ELK3: variants seen among roughly 807,000 people sequenced by gnomAD.
ELK3 encodes ETS transcription factor ELK3, also known as ETS domain-containing protein Elk-3.
ELK3 carries 10 observed loss-of-function variants against 28.9 expected under a neutral mutation model. The ratio of observed to expected loss-of-function variants is 0.35; its 90% CI spans 0.21 to 0.59. The LOEUF (loss-of-function observed/expected upper bound fraction) is 0.59, where lower values mean the gene tolerates loss of function less well. ELK3 is among the 20% of genes least tolerant of loss of function. ELK3 has a pLI of 0.82. For missense variants in ELK3, 463 were observed against 517.3 expected (o/e 0.90, Z 1.02); for synonymous variants, 272 against 243.5 (o/e 1.12, Z -1.09).
intron 2 of ELK3, among the ~76,000 whole-genome samples, chr12:96,237,254 G>A (rs1300389518): frequency 6.6e-6 from 1 of 152,202 alleles, no homozygotes; most frequent in Non-Finnish European, 1.5e-5. Context: ...CAGGTTTATG[G>A]GTCAGAGGAG....
At chr12:96,263,266 A>G (rs1952006845) in intron 4 of ELK3, among the ~76,000 whole-genome samples, 1 of 152,162 alleles carries the variant, frequency 6.6e-6, no homozygotes, top group African/African-American at 2.4e-5. Context: ...AAATTGAGAA[A>G]TGTTTAGGTA....
At chr12:96,201,505 C>T (rs561385688) in intron 1 of ELK3, among the ~76,000 whole-genome samples, 54 of 150,354 alleles carry the variant, frequency 3.6e-4, no homozygotes, top group East Asian at 1.4e-3. Flanking sequence ...CCCAGCTACC[C>T]GGGAGGTCAA....
chr12:96,205,855 G>C (rs1216571618), intron 1 of ELK3, among the ~76,000 whole-genome samples: 2 of 152,204 alleles, frequency 1.3e-5, no homozygotes, highest in East Asian at 3.8e-4. Flanking sequence ...CAGCCACTTG[G>C]CGTTTCTGTC....
At chr12:96,215,644 T>G (rs1007805317) in intron 1 of ELK3, among the ~76,000 whole-genome samples, 8 of 151,144 alleles carry the variant, frequency 5.3e-5, no homozygotes, top group Admixed American at 1.3e-4. Flanking sequence ...TTTTTTTTTT[T>G]TTTTTTAAAG....
chr12:96,265,684 AAAAT>A (rs1468191188), intron 4 of ELK3, among the ~76,000 whole-genome samples: 2 of 152,208 alleles, frequency 1.3e-5, no homozygotes, highest in Admixed American at 6.5e-5. Flanking sequence ...ATCTCTAAAT[AAAAT>A]AAATAAATAA....
At position 96,247,419 on chromosome 12, in the gene ELK3, C is replaced by A. The variant is rs142048091; in HGVS notation, c.687C>A (p.Asn229Lys). The change falls in exon 3 of 5, where the codon AAC becomes AAA. Residue 229 changes from asparagine (N) to lysine (K), a missense_variant. Around this residue, in one of 2 missense-constraint regions of ELK3, gnomAD observed 408 missense variants for 414.8 expected, o/e 0.98. Transcript: ENST00000228741. This position sits in a 1 kb window ranked among gnomAD's most constrained non-coding sequence, Gnocchi z 5.5. ...AGATCTCCTCTTTAATGTTGCCAAA[C>A]GCTGCCAGTATTTCATCCGCCTCAC... Reference protein sequence around the residue: ...SAKISSLMLPNAASISSASPF... With the variant: ...SAKISSLMLPKAASISSASPF... 3.1e-6 allele frequency: 5 copies of A among 1,614,036 alleles called. No homozygotes were observed. The highest frequency in any genetic ancestry group is 4.2e-6 in the Non-Finnish European group (5 of 1,180,046).
rs1384363136 is a variant in ELK3, at chr12:96,268,110, G to A, written c.*930G>A. 1 of 152,310 alleles carries A rather than the reference G, an allele frequency of 6.6e-6. No homozygotes were observed. The highest frequency in any genetic ancestry group is 2.4e-5 in the African/African-American group (1 of 41,562). 9.4% of individuals were successfully genotyped at this position (152,310 alleles called of 1,614,324 possible). On this transcript the variant is annotated 3_prime_UTR_variant, in exon 5 of 5. Coordinates refer to ENST00000228741, the MANE Select transcript of ELK3 (RefSeq NM_005230.4). Reference sequence around the variant, plus strand: ...GTATAAGTAAGTTGGGGTTCCCCTGGAACTATAATTAACATTTAAAAAATC... The same window carrying A: ...GTATAAGTAAGTTGGGGTTCCCCTGAAACTATAATTAACATTTAAAAAATC...
At chr12:96,261,243 A>G (rs1482433857) in intron 4 of ELK3, among the ~76,000 whole-genome samples, 1 of 152,110 alleles carries the variant, frequency 6.6e-6, no homozygotes, top group African/African-American at 2.4e-5. Flanking sequence ...GAGTTAGGGT[A>G]GGGTGTCATG....
At chr12:96,233,691 A>G (rs572875191) in intron 2 of ELK3, among the ~76,000 whole-genome samples, 2 of 152,342 alleles carry the variant, frequency 1.3e-5, no homozygotes, top group African/African-American at 4.8e-5. Context: ...TTCCTCCAAA[A>G]TAAATTTTGC....
At chr12:96,223,808 G>T (rs746052980) in intron 2 of ELK3, 35 bp downstream of exon 2, 2 of 1,605,192 alleles carry the variant, frequency 1.2e-6, no homozygotes, top group Admixed American at 1.7e-5. Flanking sequence ...CCGTCTTGGG[G>T]AGGGTGGAAT....
chr12:96,228,739 C>T (rs888580722), intron 2 of ELK3, among the ~76,000 whole-genome samples: 20 of 152,206 alleles, frequency 1.3e-4, no homozygotes, highest in Admixed American at 9.8e-4. Flanking sequence ...AGCCAGTCTC[C>T]ACCTTCTGGA....
intron 1 of ELK3, among the ~76,000 whole-genome samples, chr12:96,210,561 G>GCATACACACA (rs1555193025): frequency 6.9e-6 from 1 of 144,750 alleles, no homozygotes; most frequent in Non-Finnish European, 1.5e-5. Flanking sequence ...GCGCGCGGGC[G>GCATACACACA]CACGCACACA....
chr12:96,202,770 G>T (rs533895655), intron 1 of ELK3, among the ~76,000 whole-genome samples: 1 of 151,796 alleles, frequency 6.6e-6, no homozygotes, highest in African/African-American at 2.4e-5. Flanking sequence ...CAACTGATCC[G>T]CCTGCCTCGG....
intron 3 of ELK3, among the ~76,000 whole-genome samples, chr12:96,253,587 A>T (rs970643097): frequency 1.1e-4 from 17 of 152,162 alleles, no homozygotes; most frequent in Admixed American, 8.5e-4. Context: ...ATTTGAGGAC[A>T]TTTTTTTAAC....
At chr12:96,254,451 T>A (rs566380110) in intron 3 of ELK3, among the ~76,000 whole-genome samples, 5 of 152,208 alleles carry the variant, frequency 3.3e-5, no homozygotes, top group Non-Finnish European at 7.3e-5. Context: ...TGCTTGTTTT[T>A]ATGACCTTAG....
intron 2 of ELK3, among the ~76,000 whole-genome samples, chr12:96,227,025 C>T (rs1291452981): frequency 6.6e-6 from 1 of 152,176 alleles, no homozygotes; most frequent in Non-Finnish European, 1.5e-5. Context: ...GTGTGCATTG[C>T]CCGTCTGTGA....
intron 3 of ELK3, among the ~76,000 whole-genome samples, chr12:96,253,834 C>G (rs1176589671): frequency 6.6e-6 from 1 of 152,198 alleles, no homozygotes; most frequent in Non-Finnish European, 1.5e-5. Flanking sequence ...GAGATAATCA[C>G]TGAAAACTAA....
chr12:96,207,148 T>C (rs922528625), intron 1 of ELK3, among the ~76,000 whole-genome samples: 4 of 152,320 alleles, frequency 2.6e-5, no homozygotes, highest in Admixed American at 2.6e-4. Context: ...TAAACAGACA[T>C]TGAATGAGAG....
At chr12:96,249,627 G>A (rs1220658841) in intron 3 of ELK3, among the ~76,000 whole-genome samples, 1 of 125,876 alleles carries the variant, frequency 7.9e-6, no homozygotes, top group Non-Finnish European at 1.7e-5. Flanking sequence ...GGTGAGAAAG[G>A]TCCGAAGCCA....
Sources: allele counts gnomAD v4.1 joint callset (sites outside exome capture counted in the v4.1 genomes callset), GRCh38; gene constraint gnomAD v4.1.1; regional missense constraint gnomAD v4.1.1; non-coding constraint Gnocchi (gnomAD v3.1); transcripts MANE v1.5; gene names NCBI Gene and HGNC (gene_info 2026-07-23, HGNC 2026-07-21).